Variants in ARHGAP21 observed in about 807,000 individuals in gnomAD.
The protein encoded by ARHGAP21 is rho GTPase-activating protein 21.
A neutral mutation model predicts 164.6 loss-of-function variants in ARHGAP21; 38 were observed. The ratio of observed to expected loss-of-function variants is 0.23; its 90% CI spans 0.18 to 0.30. The LOEUF is 0.30. Ranked by LOEUF, ARHGAP21 falls within the 10% of genes least tolerant of loss-of-function variation. ARHGAP21 has a pLI of 1.00. For missense variants in ARHGAP21, 1,822 were observed against 2,370.7 expected, an observed-to-expected ratio of 0.77 and a Z score of 4.81; for synonymous variants, 766 against 857.9, an observed-to-expected ratio of 0.89 and a Z score of 1.87.
In ARHGAP21 at chr10:24,621,132, T is replaced by C. The variant is rs769098384; in HGVS notation, c.763A>G (p.Thr255Ala). The change falls in exon 9 of 26, where the codon ACA becomes GCA. Residue 255 changes from threonine (T) to alanine (A), a missense_variant. Coordinates refer to ENST00000396432, the MANE Select transcript of ARHGAP21 (RefSeq NM_020824.4). ...RMEIQVPPSP[T>A]DVAKSNTAVC... ...GCTGTGTTTGATTTTGCAACATCTG[T>C]TGGTGATGGAGGCACTTGTATTTCC... 3.7e-6 allele frequency: 6 copies of C among 1,613,508 alleles called. No homozygotes were observed. The East Asian group carries it at 1.1e-4, about 30-fold the overall frequency.
chr10:24,626,613 G>C (rs1362401998), intron 7 of ARHGAP21, among the ~76,000 whole-genome samples: 3 of 152,086 alleles, frequency 2.0e-5, no homozygotes, highest in Non-Finnish European at 2.9e-5. Context: ...TCCAGTCTAA[G>C]GTATTTTGTT....
At chr10:24,702,005 A>G (rs1490638167) in intron 2 of ARHGAP21, among the ~76,000 whole-genome samples, 9 of 152,128 alleles carry the variant, frequency 5.9e-5, no homozygotes, top group Non-Finnish European at 1.0e-4. Context: ...TGAAACCTTA[A>G]TGCACAACTT....
intron 4 of ARHGAP21, among the ~76,000 whole-genome samples, chr10:24,640,912 T>A (rs982768733): frequency 4.6e-5 from 7 of 152,002 alleles, no homozygotes; most frequent in Non-Finnish European, 1.0e-4. Flanking sequence ...AGGAAGGGAA[T>A]AGGAAAAGAG....
intron 3 of ARHGAP21, among the ~76,000 whole-genome samples, chr10:24,669,466 A>G (rs1840493823): frequency 6.6e-6 from 1 of 152,172 alleles, no homozygotes; most frequent in Admixed American, 6.5e-5. Context: ...CATCATTTCC[A>G]TTATACTATT....
chr10:24,707,157 T>C (rs1844320097), intron 2 of ARHGAP21, among the ~76,000 whole-genome samples: 1 of 152,224 alleles, frequency 6.6e-6, no homozygotes, highest in Non-Finnish European at 1.5e-5. Flanking sequence ...CTTTAACTAT[T>C]ACTTCTTTGC....
intron 4 of ARHGAP21, among the ~76,000 whole-genome samples, chr10:24,645,241 T>G (rs1229107569): frequency 1.3e-5 from 2 of 152,140 alleles, no homozygotes; most frequent in African/African-American, 4.8e-5. Flanking sequence ...AACAACCCAA[T>G]GGACACCCCA....
chr10:24,599,474 A>G (rs1592967029), intron 14 of ARHGAP21, among the ~76,000 whole-genome samples: 1 of 152,200 alleles, frequency 6.6e-6, no homozygotes. Flanking sequence ...AAAAAAGCAC[A>G]CTTTTCCTAT....
chr10:24,679,159 A>G (rs1404222717), intron 2 of ARHGAP21, among the ~76,000 whole-genome samples: 1 of 152,242 alleles, frequency 6.6e-6, no homozygotes, highest in African/African-American at 2.4e-5. Context: ...ATGTCATCTT[A>G]GCACATCTGG....
chr10:24,681,701 G>A (rs1841775468), intron 2 of ARHGAP21, among the ~76,000 whole-genome samples: 2 of 150,822 alleles, frequency 1.3e-5, no homozygotes, highest in South Asian at 4.2e-4. Context: ...GTAAAATTTC[G>A]TTCCTTACAT....
intron 4 of ARHGAP21, among the ~76,000 whole-genome samples, chr10:24,657,099 G>A (rs1485341711): frequency 3.8e-4 from 16 of 42,622 alleles, no homozygotes; most frequent in African/African-American, 8.8e-4. Flanking sequence ...CCGGCCAGCC[G>A]CCCCGTCCGG....
chr10:24,630,221 G>T (rs1460904040), intron 6 of ARHGAP21, among the ~76,000 whole-genome samples, 171 bp from the exon 7 acceptor site: 1 of 152,112 alleles, frequency 6.6e-6, no homozygotes, highest in Non-Finnish European at 1.5e-5. Flanking sequence ...AGTCACCTTT[G>T]TATACGTAAG....
chr10:24,633,303 C>T, intron 6 of ARHGAP21, 99 bp downstream of exon 6: 1 of 864,700 alleles, frequency 1.2e-6, no homozygotes, highest in Non-Finnish European at 1.7e-6. Context: ...ATCTCCTTGT[C>T]ACCACAATTC....
At chr10:24,607,424 C>G in intron 11 of ARHGAP21, 75 bp downstream of exon 11, 1 of 1,221,420 alleles carries the variant, frequency 8.2e-7, no homozygotes, top group Non-Finnish European at 1.2e-6. Context: ...TCATTAAATT[C>G]TGAACTTATG....
At chr10:24,707,566 T>C (rs918687717) in intron 2 of ARHGAP21, among the ~76,000 whole-genome samples, 3 of 152,154 alleles carry the variant, frequency 2.0e-5, no homozygotes. Context: ...TACACCTACA[T>C]ACTACATGTC....
intron 2 of ARHGAP21, among the ~76,000 whole-genome samples, chr10:24,696,337 G>A (rs1009759013): frequency 6.6e-5 from 10 of 152,146 alleles, no homozygotes; most frequent in African/African-American, 1.9e-4. Flanking sequence ...GGTCCTCCCC[G>A]ACCCCAGTCT....
chr10:24,591,463 A>C (rs2076327004), intron 23 of ARHGAP21, 133 bp from the exon 24 acceptor site: 2 of 1,091,920 alleles, frequency 1.8e-6, no homozygotes, highest in African/African-American at 3.2e-5. Context: ...GTTTACGCAT[A>C]ATTAACTGCA....
At chr10:24,716,456 G>A (rs981615164) in intron 2 of ARHGAP21, among the ~76,000 whole-genome samples, 1 of 152,240 alleles carries the variant, frequency 6.6e-6, no homozygotes, top group African/African-American at 2.4e-5. Flanking sequence ...GGAGGGTTCA[G>A]TGAGTGGGAA....
At chr10:24,634,164 A>G (rs1339662208) in intron 5 of ARHGAP21, among the ~76,000 whole-genome samples, 1 of 151,730 alleles carries the variant, frequency 6.6e-6, no homozygotes, top group African/African-American at 2.4e-5. Context: ...ATACATTCTA[A>G]AGAAATCCCA....
intron 4 of ARHGAP21, among the ~76,000 whole-genome samples, chr10:24,658,061 A>T (rs111999147): frequency 0.027 from 6 of 222 alleles, no homozygotes; most frequent in African/African-American, 0.08. Flanking sequence ...AAAATAAATT[A>T]AAAAAAAAAA....
Sources: gnomAD v4.1 joint callset for allele counts (sites outside exome capture counted in the v4.1 genomes callset) on GRCh38, gnomAD v4.1.1 for gene constraint, MANE v1.5 for transcripts, NCBI Gene and HGNC (gene_info 2026-07-23, HGNC 2026-07-21) for gene names.